Variants in ATP9B observed in about 807,000 individuals in gnomAD.
ATP9B encodes ATPase phospholipid transporting 9B, also known as probable phospholipid-transporting ATPase IIB.
A neutral mutation model predicts 146.1 loss-of-function variants in ATP9B; 110 were observed. That is an observed-to-expected ratio of 0.75 (90% CI 0.65 to 0.88). The LOEUF (loss-of-function observed/expected upper bound fraction) is 0.88. ATP9B is among the 40% of genes least tolerant of loss of function. The probability of loss-of-function intolerance (pLI) is 0.00; values close to 1 mark genes in which losing one functional copy is unlikely to be tolerated. For missense variants in ATP9B, 1,499 were observed against 1,496.4 expected (o/e 1.00, Z -0.03); for synonymous variants, 604 against 569.7 (o/e 1.06, Z -0.86).
chr18:79,251,371 C>T (rs1049729481), intron 11 of ATP9B, among the ~76,000 whole-genome samples: 5 of 152,208 alleles, frequency 3.3e-5, no homozygotes, highest in Non-Finnish European at 4.4e-5. Flanking sequence ...CTGTCGGCCA[C>T]AGGAAGTGAT....
intron 7 of ATP9B, among the ~76,000 whole-genome samples, chr18:79,171,493 A>G: frequency 6.6e-6 from 1 of 152,204 alleles, no homozygotes; most frequent in East Asian, 1.9e-4. Flanking sequence ...TACATTTTAT[A>G]TTGACATAAT....
intron 5 of ATP9B, among the ~76,000 whole-genome samples, chr18:79,143,468 A>C (rs2094538813): frequency 6.6e-6 from 1 of 152,158 alleles, no homozygotes; most frequent in East Asian, 1.9e-4. Context: ...GTTAAGTTTT[A>C]ATGCTGAGAT....
chr18:79,291,676 C>T (rs1599680262), intron 13 of ATP9B, among the ~76,000 whole-genome samples: 1 of 152,164 alleles, frequency 6.6e-6, no homozygotes. Flanking sequence ...AAAACTTTAT[C>T]ATTCGTTGAT....
At chr18:79,155,128 C>G (rs1427141115) in intron 7 of ATP9B, among the ~76,000 whole-genome samples, 2 of 151,976 alleles carry the variant, frequency 1.3e-5, no homozygotes, top group African/African-American at 4.8e-5. Context: ...TAATATGTAC[C>G]AGGCACTAAT....
intron 19 of ATP9B, among the ~76,000 whole-genome samples, chr18:79,341,240 T>C (rs1050915276): frequency 2.7e-5 from 4 of 149,110 alleles, no homozygotes; most frequent in Non-Finnish European, 4.4e-5. Context: ...ACACACCATT[T>C]AGTTGTGGTT....
chr18:79,284,782 C>A (rs2096417771), intron 13 of ATP9B, among the ~76,000 whole-genome samples: 1 of 150,144 alleles, frequency 6.7e-6, no homozygotes, highest in Non-Finnish European at 1.5e-5. Context: ...CACCCCACCC[C>A]ACAACAGTCC....
intron 13 of ATP9B, among the ~76,000 whole-genome samples, chr18:79,285,649 T>C (rs986870560): frequency 6.6e-6 from 1 of 151,432 alleles, no homozygotes; most frequent in Non-Finnish European, 1.5e-5. Context: ...ATTTTGGCTT[T>C]TGTTGCCATT....
intron 26 of ATP9B, among the ~76,000 whole-genome samples, chr18:79,370,945 C>T (rs1310596909): frequency 6.6e-6 from 1 of 152,206 alleles, no homozygotes; most frequent in Non-Finnish European, 1.5e-5. Flanking sequence ...TACTTAATTA[C>T]AGATGAATTT....
At chr18:79,352,577 G>A (rs996382060) in intron 25 of ATP9B, 1 of 152,232 alleles carries the variant, frequency 6.6e-6, no homozygotes, top group African/African-American at 2.4e-5. Context: ...CGAACAGCCA[G>A]ACGGCCTCAA....
intron 7 of ATP9B, among the ~76,000 whole-genome samples, chr18:79,167,226 T>C (rs75581400): frequency 0.027 from 4,069 of 152,254 alleles, 201 homozygotes; most frequent in African/African-American, 0.093. Context: ...GCTACAGCTC[T>C]TTCATTCCCA....
chr18:79,118,476 C>T (rs1450228628), intron 4 of ATP9B, among the ~76,000 whole-genome samples: 1 of 138,224 alleles, frequency 7.2e-6, no homozygotes, highest in African/African-American at 2.7e-5. Flanking sequence ...TCTCGGCTCA[C>T]TGCAAGCTCC....
At chr18:79,094,067 T>G (rs1176331021) in intron 1 of ATP9B, among the ~76,000 whole-genome samples, 2 of 152,236 alleles carry the variant, frequency 1.3e-5, no homozygotes, top group East Asian at 3.9e-4. Flanking sequence ...TGCATTGACC[T>G]GGGTAGGTTT....
intron 17 of ATP9B, among the ~76,000 whole-genome samples, chr18:79,336,328 A>T (rs1479850968): frequency 6.6e-6 from 1 of 152,252 alleles, no homozygotes; most frequent in Non-Finnish European, 1.5e-5. Context: ...TGTGGTAAAA[A>T]GAAGCTCTGC....
intron 7 of ATP9B, among the ~76,000 whole-genome samples, chr18:79,168,251 G>A (rs1404480615): frequency 1.3e-5 from 2 of 152,222 alleles, no homozygotes; most frequent in Non-Finnish European, 2.9e-5. Context: ...CGACTGCAGA[G>A]TCTGAGCAGG....
chr18:79,191,175 A>T (rs1346929583), intron 8 of ATP9B, among the ~76,000 whole-genome samples: 1 of 152,146 alleles, frequency 6.6e-6, no homozygotes, highest in Non-Finnish European at 1.5e-5. Flanking sequence ...TTCTGACTCC[A>T]TTATTTATAA....
rs1213837599 is a variant in ATP9B, at chr18:79,308,759, C to T, written c.1773+1525C>T. Reference sequence around the variant, plus strand: ...GAAGGTCAGGGGCTGAGGAGTGATCCCCAGCAGGTAGAAGGTCAGGGGCTG... The same window carrying T: ...GAAGGTCAGGGGCTGAGGAGTGATCTCCAGCAGGTAGAAGGTCAGGGGCTG... On this transcript the variant is annotated intron_variant, in intron 15 of 29. Coordinates refer to ENST00000426216, the MANE Select transcript of ATP9B (RefSeq NM_198531.5). 1.6e-4 allele frequency among the ~76,000 whole-genome samples: 15 copies of T among 91,772 alleles called. 2 individuals are homozygous for T. Among genetic ancestry groups the T allele is most frequent in the African/African-American group, 6.7e-4 (13 of 19,328 alleles). The allele number at this position is 91,772 out of a possible 152,430, so 60.2% of individuals were successfully genotyped here.
chr18:79,377,794 T>TG lies in ATP9B; in HGVS notation c.*412dup, dbSNP rs1324004895. ...ATGCTAGGCAAGCCCAGGGCACAGA[T>TG]GCCGGGATGGCCCCTCCCTCTCAGT... On this transcript the variant is annotated 3_prime_UTR_variant, in exon 30 of 30. Coordinates refer to ENST00000426216, the MANE Select transcript of ATP9B (RefSeq NM_198531.5). 1 of 182,470 alleles carries TG rather than the reference T, an allele frequency of 5.5e-6. No homozygotes were observed. Among genetic ancestry groups the TG allele is most frequent in the African/African-American group, 2.3e-5 (1 of 42,672 alleles). 11.3% of individuals were successfully genotyped at this position (182,470 alleles called of 1,614,324 possible). A position where few individuals can be genotyped will look rare whatever the true frequency, so the allele number is the denominator to read the frequency against.
chr18:79,230,278 C>T (rs1273616365), intron 11 of ATP9B, among the ~76,000 whole-genome samples: 1 of 152,178 alleles, frequency 6.6e-6, no homozygotes, highest in Non-Finnish European at 1.5e-5. Flanking sequence ...GTCACACTGT[C>T]ACTGTTTGCT....
intron 4 of ATP9B, among the ~76,000 whole-genome samples, chr18:79,114,386 T>C (rs1232084671): frequency 6.6e-6 from 1 of 152,006 alleles, no homozygotes; most frequent in Non-Finnish European, 1.5e-5. Flanking sequence ...TCCACATGAG[T>C]TGTGGCCTTC....
Sources: allele counts gnomAD v4.1 joint callset (sites outside exome capture counted in the v4.1 genomes callset), GRCh38; gene constraint gnomAD v4.1.1; transcripts MANE v1.5; gene names NCBI Gene and HGNC (gene_info 2026-07-23, HGNC 2026-07-21).